The following TTC7A variants were observed in gnomAD, a reference collection of about 807,000 sequenced individuals.
TTC7A encodes tetratricopeptide repeat domain 7A.
TTC7A carries 110 observed loss-of-function variants against 103.7 expected under a neutral mutation model. The ratio of observed to expected loss-of-function variants is 1.06; its 90% CI spans 0.91 to 1.24. The LOEUF (loss-of-function observed/expected upper bound fraction) is 1.24, where lower values mean the gene tolerates loss of function less well. Ranked by LOEUF, TTC7A falls within the 50% of genes most tolerant of loss-of-function variation. TTC7A has a pLI of 0.00. For synonymous variants in TTC7A, 521 were observed against 467.9 expected (o/e 1.11, Z -1.47); for missense variants, 1,340 against 1,116.3 (o/e 1.20, Z -2.86).
intron 7 of TTC7A, 86 bp from the exon 8 acceptor site, chr2:46,995,050 C>G: frequency 2.3e-6 from 3 of 1,318,944 alleles, no homozygotes; most frequent in Admixed American, 1.8e-5. Flanking sequence ...GGTGCTGACT[C>G]TGGGGCAGAA....
chr2:46,918,339 G>C (rs933390417), intron 2 of TTC7A, among the ~76,000 whole-genome samples: 3 of 152,146 alleles, frequency 2.0e-5, no homozygotes, highest in Non-Finnish European at 2.9e-5. Context: ...TGTATCCTGA[G>C]TCTTTGACTT....
chr2:46,971,147 C>T (rs1411432216), intron 3 of TTC7A, among the ~76,000 whole-genome samples: 2 of 152,126 alleles, frequency 1.3e-5, no homozygotes, highest in African/African-American at 2.4e-5. Context: ...AAAGTAAACA[C>T]GATTAGGTTG....
Position 47,051,781 on chromosome 2 carries a change from C to T in TTC7A, c.2053C>T (p.Leu685=). 2 of 1,611,328 alleles carry T rather than the reference C, an allele frequency of 1.2e-6. No individual in the cohort carries two copies. Among genetic ancestry groups the T allele is most frequent in the South Asian group, 2.2e-5 (2 of 90,988 alleles). Residue 685 remains leucine, a synonymous_variant, in exon 18 of 20, where the codon CTG becomes TTG. Transcript: ENST00000319190. Reference sequence around the variant, plus strand: ...GGCTTCGTCCATCGCCGCCTCCCGGCTGGAGGAGGCCATGTCAGAGCTGAC... The same window carrying T: ...GGCTTCGTCCATCGCCGCCTCCCGGTTGGAGGAGGCCATGTCAGAGCTGAC... ...RRASSIAASR[L]EEAMSELTMP... is the part of the protein sequence containing the mutation.
At chr2:47,025,758 C>A (rs1679835977) in intron 14 of TTC7A, among the ~76,000 whole-genome samples, 1 of 152,140 alleles carries the variant, frequency 6.6e-6, no homozygotes, top group Non-Finnish European at 1.5e-5. Context: ...TGCACTGCCC[C>A]TCCCCCTGTG....
Position 46,941,899 on chromosome 2 carries a change from C to G in TTC7A, c.184+174C>G, listed in dbSNP as rs1670442324. ...GGTCCTTCTGCCGCGAGAGAAAAAT[C>G]ACATGTGGTTTGGGGGCTTGGAGGG... On this transcript the variant is annotated intron_variant, in intron 1 of 19. Coordinates refer to ENST00000319190, the MANE Select transcript of TTC7A (RefSeq NM_020458.4). This position sits in a 1 kb window ranked among gnomAD's most constrained non-coding sequence, Gnocchi z 4.2. 1 of 804,504 alleles carries G rather than the reference C, an allele frequency of 1.2e-6. No homozygotes were observed. The highest frequency in any genetic ancestry group is 2.0e-6 in the Non-Finnish European group (1 of 510,502). 49.8% of individuals were successfully genotyped at this position (804,504 alleles called of 1,614,324 possible). A position where few individuals can be genotyped will look rare whatever the true frequency, so the allele number is the denominator to read the frequency against.
chr2:47,032,227 T>C (rs1271430612), intron 15 of TTC7A, among the ~76,000 whole-genome samples: 1 of 152,090 alleles, frequency 6.6e-6, no homozygotes, highest in Non-Finnish European at 1.5e-5. Flanking sequence ...ACTATGACAT[T>C]TTGTGCATGT....
intron 19 of TTC7A, among the ~76,000 whole-genome samples, chr2:47,072,468 G>A (rs1684838865): frequency 6.6e-6 from 1 of 152,214 alleles, no homozygotes; most frequent in African/African-American, 2.4e-5. Flanking sequence ...CAAGCTCTCC[G>A]AGGACTTGAT....
chr2:47,042,730 C>T (rs1031626046), intron 15 of TTC7A, among the ~76,000 whole-genome samples: 15 of 151,130 alleles, frequency 9.9e-5, no homozygotes, highest in Non-Finnish European at 4.4e-5. Context: ...TAATTAAGTG[C>T]TAATGGAACA....
intron 8 of TTC7A, among the ~76,000 whole-genome samples, chr2:46,998,608 T>C (rs772976380): frequency 6.6e-6 from 1 of 152,234 alleles, no homozygotes; most frequent in Non-Finnish European, 1.5e-5. Context: ...CCTTGGCTGC[T>C]ACTTAGGTTC....
chr2:47,006,632 C>A lies in TTC7A; in HGVS notation c.1204-9C>A. 1 of 1,612,990 alleles carries A rather than the reference C, an allele frequency of 6.2e-7. No homozygotes were observed. The highest frequency in any genetic ancestry group is 8.5e-7 in the Non-Finnish European group (1 of 1,178,952). Reference sequence around the variant, plus strand: ...TGGTGGGTAAATGCTGACTATCTCCCCTCCCCAGTGCCTGGAGCGAGCCAT... The same window carrying A: ...TGGTGGGTAAATGCTGACTATCTCCACTCCCCAGTGCCTGGAGCGAGCCAT... On this transcript the variant is annotated splice_polypyrimidine_tract_variant and intron_variant, in intron 9 of 19. Transcript: ENST00000319190.
At chr2:47,029,638 G>A (rs1680303702) in intron 15 of TTC7A, among the ~76,000 whole-genome samples, 1 of 152,230 alleles carries the variant, frequency 6.6e-6, no homozygotes, top group African/African-American at 2.4e-5. Context: ...GGTGGGGTCT[G>A]CATGGGCCAC....
chr2:46,960,964 C>T (rs939233256), intron 3 of TTC7A, among the ~76,000 whole-genome samples: 4 of 152,236 alleles, frequency 2.6e-5, no homozygotes, highest in African/African-American at 9.6e-5. Flanking sequence ...TTTGCTTTCC[C>T]AGGGCTGTTT....
At position 46,995,735 on chromosome 2, in the gene TTC7A, C is replaced by T. The variant is rs950976539; in HGVS notation, c.1065+536C>T. ...CCTATGGAAGGAGTTCATTTATTCA[C>T]GCAACAGCTATTTATTGAGCATCTA... On this transcript the variant is annotated intron_variant, in intron 8 of 19. Coordinates refer to ENST00000319190, the MANE Select transcript of TTC7A (RefSeq NM_020458.4). Among the ~76,000 whole-genome samples, 10 of 152,194 alleles carry T rather than the reference C, an allele frequency of 6.6e-5. No individual in the cohort carries two copies. The East Asian group carries it at 7.7e-4, about 12-fold the overall frequency.
intron 5 of TTC7A, among the ~76,000 whole-genome samples, chr2:46,980,934 G>A (rs187774706): frequency 2.0e-5 from 3 of 152,328 alleles, no homozygotes; most frequent in African/African-American, 7.2e-5. Context: ...TGGAAGAGGC[G>A]CATAGGGCTA....
chr2:46,960,344 T>C (rs1302523150), intron 3 of TTC7A, among the ~76,000 whole-genome samples: 1 of 152,226 alleles, frequency 6.6e-6, no homozygotes, highest in South Asian at 2.1e-4. Context: ...GAATCCCCTG[T>C]TTGATTCTTC....
chr2:46,960,899 C>G (rs1672311363), intron 3 of TTC7A, among the ~76,000 whole-genome samples: 1 of 152,268 alleles, frequency 6.6e-6, no homozygotes, highest in South Asian at 2.1e-4. Flanking sequence ...TCCTTCAGCC[C>G]TGGCTTGAGT....
intron 3 of TTC7A, among the ~76,000 whole-genome samples, chr2:46,968,366 C>T (rs1208513334): frequency 1.3e-5 from 2 of 152,236 alleles, no homozygotes; most frequent in Non-Finnish European, 1.5e-5. Flanking sequence ...GGGCGCAGGG[C>T]AGCCCACCTT....
chr2:46,985,151 T>C (rs1198035575), intron 5 of TTC7A, among the ~76,000 whole-genome samples: 1 of 152,150 alleles, frequency 6.6e-6, no homozygotes, highest in African/African-American at 2.4e-5. Context: ...AAAGCCCAAG[T>C]GCTTTCAGTC....
At chr2:46,981,894 C>G (rs188222395) in intron 5 of TTC7A, among the ~76,000 whole-genome samples, 4 of 152,346 alleles carry the variant, frequency 2.6e-5, no homozygotes, top group Admixed American at 2.6e-4. Flanking sequence ...GGTGAGGTCA[C>G]TTCCAGGAGG....
Sources: gnomAD v4.1 joint callset for allele counts (sites outside exome capture counted in the v4.1 genomes callset) on GRCh38, gnomAD v4.1.1 for gene constraint, Gnocchi (gnomAD v3.1) non-coding constraint, MANE v1.5 for transcripts, NCBI Gene and HGNC (gene_info 2026-07-23, HGNC 2026-07-21) for gene names.